Variants in DAP3 observed in about 807,000 individuals in gnomAD.
DAP3 encodes small ribosomal subunit protein mS29.
In DAP3, 28 loss-of-function variants were observed where a neutral mutation model predicts 51.9. The observed-to-expected ratio is 0.54, with a 90% CI of 0.40 to 0.74. DAP3 has a LOEUF of 0.74. Ranked by LOEUF, DAP3 falls within the 30% of genes least tolerant of loss-of-function variation. The pLI, the probability that DAP3 is intolerant of heterozygous loss-of-function variation, is 0.00. For missense variants in DAP3, 458 were observed against 483.5 expected, an observed-to-expected ratio of 0.95 and a Z score of 0.49; for synonymous variants, 170 against 170.3, an observed-to-expected ratio of 1.00 and a Z score of 0.01.
In DAP3 at chr1:155,721,589, C is replaced by T. The variant is rs187192135; in HGVS notation, c.241C>T (p.His81Tyr). Reference sequence around the variant, plus strand: ...CCAGGATTTGGAGACTGTATTTCCCCATGGCCTTCCTCCTCGCTTTGTGAT... The same window carrying T: ...CCAGGATTTGGAGACTGTATTTCCCTATGGCCTTCCTCCTCGCTTTGTGAT... ...SPQDLETVFP[H>Y]GLPPRFVMQV... The change falls in exon 4 of 13, where the codon CAT becomes TAT. Residue 81 changes from histidine to tyrosine, a missense_variant. By Grantham distance (83) the His-to-Tyr change is moderately conservative. Transcript: ENST00000368336. 6.2e-7 allele frequency: 1 copy of T among 1,614,086 alleles called. No homozygotes were observed. Among genetic ancestry groups the T allele is most frequent in the Admixed American group, 1.7e-5 (1 of 59,982 alleles).
chr1:155,737,079 T>C lies in DAP3; in HGVS notation c.1111+16T>C, dbSNP rs1033432321. The C allele has an allele frequency of 6.3e-7, 1 of 1,579,082 alleles. No individual in the cohort carries two copies. Among genetic ancestry groups the C allele is most frequent in the African/African-American group, 1.3e-5 (1 of 74,136 alleles). On this transcript the variant is annotated intron_variant, in intron 12 of 12. Transcript: ENST00000368336. ...CATGAGAAAGGTCCATCATTTAGTT[T>C]TTTCCTATCAGGGCTTTGTGATCAC... is the stretch of plus-strand genomic sequence containing the variant.
chr1:155,736,790 G>A (rs1659851315), intron 11 of DAP3, 156 bp from the exon 12 acceptor site: 1 of 688,834 alleles, frequency 1.5e-6, no homozygotes, highest in Non-Finnish European at 2.6e-6. Context: ...GAGTCCATAT[G>A]TGGAGTCCTG....
chr1:155,705,560 GCCATTGCAC>G (rs1382033878), intron 1 of DAP3, among the ~76,000 whole-genome samples: 1 of 147,030 alleles, frequency 6.8e-6, no homozygotes, highest in Non-Finnish European at 1.5e-5. Context: ...CTGTGATCTT[GCCATTGCAC>G]CCCATCCTGG....
upstream of DAP3, chr1:155,688,239 G>A (rs533867635): frequency 4.3e-5 from 69 of 1,610,904 alleles, no homozygotes; most frequent in East Asian, 2.0e-4. Context: ...GAAAGGTGGA[G>A]GGCTAAAGGG....
At chr1:155,709,291 A>G (rs865820503) in intron 1 of DAP3, among the ~76,000 whole-genome samples, 2 of 152,134 alleles carry the variant, frequency 1.3e-5, no homozygotes, top group Middle Eastern at 3.4e-3. Flanking sequence ...GACTACAGGC[A>G]TGCACTACCA....
At chr1:155,709,280 G>A (rs1656403459) in intron 1 of DAP3, among the ~76,000 whole-genome samples, 1 of 152,006 alleles carries the variant, frequency 6.6e-6, no homozygotes, top group Admixed American at 6.6e-5. Flanking sequence ...CGAGGAGCTG[G>A]GACTACAGGC....
At chr1:155,727,932 G>C (rs1327767650) in intron 7 of DAP3, among the ~76,000 whole-genome samples, 194 bp downstream of exon 7, 1 of 152,028 alleles carries the variant, frequency 6.6e-6, no homozygotes, top group Non-Finnish European at 1.5e-5. Context: ...ATAGGCAACA[G>C]TAAGTTGTTC....
intron 1 of DAP3, among the ~76,000 whole-genome samples, chr1:155,697,673 C>T (rs549525988): frequency 1.4e-3 from 218 of 152,044 alleles, no homozygotes; most frequent in Non-Finnish European, 2.5e-3. Flanking sequence ...AAGGCCAGGG[C>T]GAAACTAGAA....
At chr1:155,689,657 T>C (rs1653408914) in intron 1 of DAP3, 3 of 345,088 alleles carry the variant, frequency 8.7e-6, no homozygotes, top group Non-Finnish European at 1.1e-5. Flanking sequence ...CTCACGCCTG[T>C]AATCCCAGCA....
At chr1:155,688,217 G>C (rs568708737), upstream of DAP3, 4 of 1,613,724 alleles carry the variant, frequency 2.5e-6, no homozygotes, top group Admixed American at 1.7e-5. Flanking sequence ...GGAAATGCGA[G>C]AGAGGAGAAG....
At chr1:155,703,873 C>T (rs1001962074) in intron 1 of DAP3, among the ~76,000 whole-genome samples, 3 of 152,182 alleles carry the variant, frequency 2.0e-5, no homozygotes, top group African/African-American at 7.2e-5. Context: ...GAGGGCCAGG[C>T]ATAGTGGCTC....
chr1:155,736,799 T>G (rs765028827), intron 11 of DAP3, 147 bp from the exon 12 acceptor site: 22 of 725,260 alleles, frequency 3.0e-5, no homozygotes, highest in Non-Finnish European at 4.6e-5. Context: ...TGTGGAGTCC[T>G]GTATCAGGCA....
intron 2 of DAP3, among the ~76,000 whole-genome samples, chr1:155,715,314 C>G (rs1657201503): frequency 6.6e-6 from 1 of 150,752 alleles, no homozygotes. Flanking sequence ...GTGAGTGCAG[C>G]AAGTTGGAGA....
intron 4 of DAP3, among the ~76,000 whole-genome samples, 159 bp from the exon 5 acceptor site, chr1:155,725,223 G>A (rs970873571): frequency 1.3e-5 from 2 of 152,180 alleles, no homozygotes; most frequent in African/African-American, 4.8e-5. Context: ...TATATGGATA[G>A]ATTTTCAAAC....
chr1:155,731,323 A>ATGAT, intron 9 of DAP3, 33 bp from the exon 10 acceptor site: 4 of 1,606,020 alleles, frequency 2.5e-6, no homozygotes, highest in Non-Finnish European at 3.4e-6. Context: ...AAGGCACGTG[A>ATGAT]TGATCTCTTC....
upstream of DAP3, chr1:155,688,237 G>T (rs371208669): frequency 1.2e-4 from 196 of 1,611,834 alleles, no homozygotes; most frequent in Non-Finnish European, 1.6e-4. Context: ...GGGAAAGGTG[G>T]AGGGCTAAAG....
intron 3 of DAP3, among the ~76,000 whole-genome samples, chr1:155,718,597 G>A (rs1255803838): frequency 2.6e-5 from 4 of 151,526 alleles, no homozygotes; most frequent in African/African-American, 9.7e-5. Context: ...TGAGGCAGGA[G>A]AATGGTATGA....
At chr1:155,710,083 C>T (rs1257834105) in intron 2 of DAP3, 1 of 349,308 alleles carries the variant, frequency 2.9e-6, no homozygotes, top group Non-Finnish European at 5.1e-6. Context: ...GTTATCATCC[C>T]TTAATGAAGT....
chr1:155,716,572 CA>C (rs894849721), intron 2 of DAP3, among the ~76,000 whole-genome samples: 63 of 138,862 alleles, frequency 4.5e-4, no homozygotes, highest in Admixed American at 8.0e-4. Context: ...GACTCCATCT[CA>C]AAAAAAAAAA....
Sources: gnomAD v4.1 joint callset for allele counts (sites outside exome capture counted in the v4.1 genomes callset) on GRCh38, gnomAD v4.1.1 for gene constraint, MANE v1.5 for transcripts, NCBI Gene and HGNC (gene_info 2026-07-23, HGNC 2026-07-21) for gene names.